Variants in TMEM132B observed in about 807,000 individuals in gnomAD.
The protein encoded by TMEM132B is transmembrane protein 132B.
A neutral mutation model predicts 90.8 loss-of-function variants in TMEM132B; 18 were observed. That is an observed-to-expected ratio of 0.20 (90% CI 0.14 to 0.29). TMEM132B has a LOEUF of 0.29. Ranked by LOEUF, TMEM132B falls within the 10% of genes least tolerant of loss-of-function variation. TMEM132B has a pLI of 1.00. For missense variants in TMEM132B, 1,096 were observed against 1,326.8 expected, an observed-to-expected ratio of 0.83 and a Z score of 2.70; for synonymous variants, 504 against 523.3, an observed-to-expected ratio of 0.96 and a Z score of 0.50.
At chr12:125,299,723 C>T (rs886265592) in intron 1 of TMEM132B, among the ~76,000 whole-genome samples, 1 of 152,224 alleles carries the variant, frequency 6.6e-6, no homozygotes, top group African/African-American at 2.4e-5. Flanking sequence ...CACATCCTGT[C>T]TGATCCACCA....
At chr12:125,500,070 C>T (rs1224154763) in intron 3 of TMEM132B, among the ~76,000 whole-genome samples, 3 of 152,118 alleles carry the variant, frequency 2.0e-5, no homozygotes, top group African/African-American at 4.8e-5. Context: ...GACCAGAAGG[C>T]GGTGATCCCC....
chr12:125,354,204 T>A (rs1877687954), intron 2 of TMEM132B, among the ~76,000 whole-genome samples: 1 of 152,216 alleles, frequency 6.6e-6, no homozygotes, highest in African/African-American at 2.4e-5. Context: ...TTGTGGGGAC[T>A]TGATGCTTAC....
chr12:125,250,816 C>T (rs1874301224), intron 1 of TMEM132B, among the ~76,000 whole-genome samples: 1 of 152,228 alleles, frequency 6.6e-6, no homozygotes, highest in African/African-American at 2.4e-5. Context: ...ACTCAGGAGC[C>T]TGCAGGCCCC....
At chr12:125,582,090 GT>G (rs1184633617) in intron 4 of TMEM132B, among the ~76,000 whole-genome samples, 1 of 151,906 alleles carries the variant, frequency 6.6e-6, no homozygotes, top group African/African-American at 2.4e-5. Context: ...CAAAGTTGAT[GT>G]TTTCTGTTAA....
chr12:125,493,917 C>T (rs1882427790), intron 3 of TMEM132B, among the ~76,000 whole-genome samples: 1 of 145,730 alleles, frequency 6.9e-6, no homozygotes, highest in Non-Finnish European at 1.5e-5. Flanking sequence ...CCCTCCTCCT[C>T]CTCCCTGGAA....
intron 3 of TMEM132B, among the ~76,000 whole-genome samples, chr12:125,464,211 GTCATGTCTTC>G (rs1349546269): frequency 6.6e-6 from 1 of 152,154 alleles, no homozygotes; most frequent in Admixed American, 6.5e-5. Context: ...TCAGCCAGGG[GTCATGTCTTC>G]TTGGAGCAGA....
At position 125,406,219 on chromosome 12, in the gene TMEM132B, T is replaced by C. The variant is rs1296202825; in HGVS notation, c.960-9312T>C. ...TTTATCTCCTCTGGCTAAAGCAGAA[T>C]GCAAAACTTCCCTTCCCTGGTCATA... On this transcript the variant is annotated intron_variant, in intron 2 of 8. Coordinates refer to ENST00000682704, the MANE Select transcript of TMEM132B (RefSeq NM_001366854.1). This position sits in a 1 kb window ranked among gnomAD's most constrained non-coding sequence, Gnocchi z 8.3. 6.6e-6 allele frequency among the ~76,000 whole-genome samples: 1 copy of C among 152,242 alleles called. No homozygotes were observed. Among genetic ancestry groups the C allele is most frequent in the East Asian group, 1.9e-4 (1 of 5,202 alleles).
At chr12:125,647,204 CA>C (rs1238360855) in intron 6 of TMEM132B, among the ~76,000 whole-genome samples, 2 of 152,100 alleles carry the variant, frequency 1.3e-5, no homozygotes, top group Admixed American at 1.3e-4. Context: ...AACGGAGCAT[CA>C]GGGACTTGTG....
chr12:125,613,414 C>T (rs1475066078), intron 5 of TMEM132B, among the ~76,000 whole-genome samples: 2 of 150,640 alleles, frequency 1.3e-5, no homozygotes, highest in Non-Finnish European at 3.0e-5. Context: ...GTTAATCTGC[C>T]TATTTGTTGA....
At chr12:125,200,816 T>C (rs969680591) in intron 1 of TMEM132B, among the ~76,000 whole-genome samples, 7 of 152,214 alleles carry the variant, frequency 4.6e-5, no homozygotes, top group African/African-American at 1.7e-4. Flanking sequence ...AGTAGCTTCT[T>C]GAGGGCAGGA....
At chr12:125,597,225 A>G (rs1885460549) in intron 5 of TMEM132B, among the ~76,000 whole-genome samples, 1 of 152,244 alleles carries the variant, frequency 6.6e-6, no homozygotes, top group Admixed American at 6.5e-5. Flanking sequence ...GTCTTAAAGT[A>G]TCTTCTAATT....
rs1879506128 is a variant in TMEM132B, at chr12:125,406,856, T to C, written c.960-8675T>C. Among the ~76,000 whole-genome samples, 1 of 152,178 alleles carries C rather than the reference T, an allele frequency of 6.6e-6. No individual in the cohort carries two copies. The highest frequency in any genetic ancestry group is 1.5e-5 in the Non-Finnish European group (1 of 68,040). On this transcript the variant is annotated intron_variant, in intron 2 of 8. Transcript: ENST00000682704. The surrounding 1 kb of genome is among the most constrained non-coding windows in gnomAD (Gnocchi z 8.3). ...AACGCTGTTGTACTTATAAATATTG[T>C]TTATTCTAGTGAAAGGATACAAACT...
At chr12:125,556,855 C>T (rs922538957) in intron 4 of TMEM132B, among the ~76,000 whole-genome samples, 4 of 152,106 alleles carry the variant, frequency 2.6e-5, no homozygotes, top group South Asian at 2.1e-4. Flanking sequence ...CCCGGGTTCA[C>T]GCCATTCTCC....
At chr12:125,462,114 G>A (rs1399929916) in intron 3 of TMEM132B, among the ~76,000 whole-genome samples, 1 of 152,158 alleles carries the variant, frequency 6.6e-6, no homozygotes, top group Non-Finnish European at 1.5e-5. Flanking sequence ...TGGACTAAAA[G>A]TGTGGAATGG....
chr12:125,250,089 A>G (rs543089201), intron 1 of TMEM132B, among the ~76,000 whole-genome samples: 16 of 152,278 alleles, frequency 1.1e-4, no homozygotes, highest in African/African-American at 3.9e-4. Flanking sequence ...GCTCTGCGTC[A>G]CCCTGGGCAC....
chr12:125,355,685 A>AT (rs528619884), intron 2 of TMEM132B, among the ~76,000 whole-genome samples: 54 of 152,292 alleles, frequency 3.5e-4, no homozygotes, highest in African/African-American at 1.2e-3. Flanking sequence ...TGTTTTAATC[A>AT]TGTCTCTTAT....
rs559151505 is a variant in TMEM132B at position 125,414,962 on chromosome 12, C to T, written c.960-569C>T. Among the ~76,000 whole-genome samples, 47 of 152,302 alleles carry T rather than the reference C, an allele frequency of 3.1e-4. 1 individual carries two copies. The highest frequency in any genetic ancestry group is 1.0e-3 in the African/African-American group (43 of 41,540). On this transcript the variant is annotated intron_variant, in intron 2 of 8. Coordinates refer to ENST00000682704, the MANE Select transcript of TMEM132B (RefSeq NM_001366854.1). ...GGTCCTTGATTCTTCCTGGTGGAAC[C>T]GTGTTCTGTGAACATTGTACCAGGC...
intron 1 of TMEM132B, among the ~76,000 whole-genome samples, chr12:125,327,155 A>G (rs921347203): frequency 6.6e-6 from 1 of 152,000 alleles, no homozygotes; most frequent in Admixed American, 6.6e-5. Context: ...ACTTTTCCCA[A>G]TGGCTTCTGT....
chr12:125,393,925 C>T (rs1879099818), intron 2 of TMEM132B, among the ~76,000 whole-genome samples: 1 of 152,186 alleles, frequency 6.6e-6, no homozygotes, highest in African/African-American at 2.4e-5. Context: ...TTGGTTGAAC[C>T]CAACTGGAAG....
Sources: gnomAD v4.1 joint callset for allele counts (sites outside exome capture counted in the v4.1 genomes callset) on GRCh38, gnomAD v4.1.1 for gene constraint, Gnocchi (gnomAD v3.1) non-coding constraint, MANE v1.5 for transcripts, NCBI Gene and HGNC (gene_info 2026-07-23, HGNC 2026-07-21) for gene names.